The following SPI1 variants were observed in gnomAD, a reference collection of about 807,000 sequenced individuals.
SPI1 encodes transcription factor PU.1.
Under a neutral mutation model 30.7 loss-of-function variants are expected in SPI1, and 3 were observed. That is an observed-to-expected ratio of 0.10 (90% confidence interval 0.04 to 0.25). SPI1 has a LOEUF of 0.25. Ranked by LOEUF, SPI1 falls within the 10% of genes least tolerant of loss-of-function variation. The probability of loss-of-function intolerance (pLI) is 1.00; values close to 1 mark genes in which losing one functional copy is unlikely to be tolerated. For missense variants in SPI1, 261 were observed against 371.5 expected (o/e 0.70, Z 2.45); for synonymous variants, 169 against 157.1 (o/e 1.08, Z -0.56).
chr11:47,373,645 TAAAA>T (rs543466708), intron 2 of SPI1, among the ~76,000 whole-genome samples: 2 of 121,578 alleles, frequency 1.6e-5, no homozygotes, highest in Non-Finnish European at 1.8e-5. Flanking sequence ...AAGACTGTCC[TAAAA>T]AAAAAAAAAA....
chr11:47,358,981 A>C lies in SPI1; in HGVS notation c.356T>G (p.Leu119Arg). The change falls in exon 4 of 5, where the codon CTC becomes CGC. Residue 119 changes from leucine to arginine, a missense_variant. Around this residue, in one of 5 missense-constraint regions of SPI1, gnomAD observed 106 missense variants for 102.0 expected, o/e 1.04. Coordinates refer to ENST00000378538, the MANE Select transcript of SPI1 (RefSeq NM_003120.3). ...GGCTGGGGACAGGGATGGGTACTGG[A>C]GGCACATCCGGGGCAGGTAGGAGAC... ...HQVSYLPRMC[L>R]QYPSLSPAQP... 1 of 1,536,602 alleles carries C rather than the reference A, an allele frequency of 6.5e-7. No individual in the cohort carries two copies. Among genetic ancestry groups the C allele is most frequent in the African/African-American group, 1.4e-5 (1 of 72,738 alleles).
intron 2 of SPI1, among the ~76,000 whole-genome samples, chr11:47,366,204 C>T (rs980103323): frequency 2.6e-5 from 4 of 152,182 alleles, no homozygotes; most frequent in Non-Finnish European, 5.9e-5. Flanking sequence ...CTCTCATTTC[C>T]TCTCTCTAAA....
intron 1 of SPI1, among the ~76,000 whole-genome samples, chr11:47,376,930 C>T (rs1470605014): frequency 1.3e-5 from 2 of 152,202 alleles, no homozygotes; most frequent in African/African-American, 2.4e-5. Context: ...ACCCATCTAG[C>T]TCCACCTGGA....
intron 1 of SPI1, 117 bp downstream of exon 1, chr11:47,378,192 C>G: frequency 2.6e-6 from 3 of 1,140,322 alleles, no homozygotes; most frequent in Non-Finnish European, 3.9e-6. Flanking sequence ...GGAGGAAACC[C>G]TGACTTCCCA....
At chr11:47,361,070 G>A (rs1263244603) in intron 2 of SPI1, among the ~76,000 whole-genome samples, 4 of 151,984 alleles carry the variant, frequency 2.6e-5, no homozygotes, top group Non-Finnish European at 2.9e-5. Context: ...GCAGTGAGCC[G>A]AGATTGCGCC....
chr11:47,363,687 G>C (rs2095924140), intron 2 of SPI1, among the ~76,000 whole-genome samples: 1 of 151,998 alleles, frequency 6.6e-6, no homozygotes, highest in South Asian at 2.1e-4. Flanking sequence ...CTCAGGCCGG[G>C]CATGGTGGCT....
At chr11:47,372,420 G>A (rs140153904) in intron 2 of SPI1, among the ~76,000 whole-genome samples, 6 of 152,210 alleles carry the variant, frequency 3.9e-5, no homozygotes, top group African/African-American at 7.2e-5. Context: ...CCATCCCCTC[G>A]CTGGAGAGTG....
chr11:47,356,173 TTC>T (rs2095908720), intron 4 of SPI1, among the ~76,000 whole-genome samples: 1 of 146,150 alleles, frequency 6.8e-6, no homozygotes, highest in South Asian at 2.2e-4. Context: ...CACTGTCACT[TTC>T]TCACACACCC....
At chr11:47,371,131 C>T (rs1055751861) in intron 2 of SPI1, among the ~76,000 whole-genome samples, 7 of 151,750 alleles carry the variant, frequency 4.6e-5, no homozygotes, top group South Asian at 2.1e-4. Flanking sequence ...GAGGCCAAGG[C>T]GGGTGGATCA....
rs2095917358 is a variant in SPI1 at position 47,359,458 on chromosome 11, C to A, written c.330+395G>T. On this transcript the variant is annotated intron_variant, in intron 3 of 4. Transcript: ENST00000378538. This position sits in a 1 kb window ranked among gnomAD's most constrained non-coding sequence, Gnocchi z 5.1. Reference sequence around the variant, plus strand: ...GTAGAGGTCAGCAGAGGTCACTGATCCGGGTTAGGGTCAGTAGGGAGGGTC... The same window carrying A: ...GTAGAGGTCAGCAGAGGTCACTGATACGGGTTAGGGTCAGTAGGGAGGGTC... Among the ~76,000 whole-genome samples the A allele has an allele frequency of 1.3e-5, 2 of 151,834 alleles. No homozygotes were observed. Among genetic ancestry groups the A allele is most frequent in the Admixed American group, 1.3e-4 (2 of 15,266 alleles).
At chr11:47,371,479 C>A (rs547237516) in intron 2 of SPI1, among the ~76,000 whole-genome samples, 1 of 75,202 alleles carries the variant, frequency 1.3e-5, no homozygotes. Flanking sequence ...CCAGCCTGGC[C>A]AACATGGTGA....
intron 4 of SPI1, among the ~76,000 whole-genome samples, chr11:47,356,963 C>A (rs1595854972): frequency 7.3e-6 from 1 of 136,432 alleles, no homozygotes; most frequent in East Asian, 2.2e-4. Flanking sequence ...CTCACACATG[C>A]TCACGTCTGC....
At chr11:47,360,091 A>G (rs61897390) in intron 2 of SPI1, 51 bp from the exon 3 acceptor site, 117,564 of 1,343,868 alleles carry the variant, frequency 0.087, 6,375 homozygotes, top group Non-Finnish European at 0.095. Flanking sequence ...TGGGCAGGGC[A>G]GGAAAAGGTT....
intron 2 of SPI1, among the ~76,000 whole-genome samples, chr11:47,368,319 C>T (rs1417212365): frequency 6.6e-6 from 1 of 152,112 alleles, no homozygotes; most frequent in Non-Finnish European, 1.5e-5. Context: ...CAGCTGAGAT[C>T]GTACCACTCC....
chr11:47,358,659 A>C (rs1265483038), intron 4 of SPI1, 185 bp downstream of exon 4: 2 of 720,034 alleles, frequency 2.8e-6, no homozygotes, highest in Admixed American at 2.0e-5. Context: ...TATGCACTAC[A>C]CAGCAGATAC....
In SPI1 at chr11:47,355,362, C is replaced by T. The variant is rs368088159; in HGVS notation, c.678G>A (p.Gln226=). The T allele has an allele frequency of 2.5e-6, 4 of 1,613,698 alleles. No homozygotes were observed. Among genetic ancestry groups the T allele is most frequent in the Non-Finnish European group, 3.4e-6 (4 of 1,179,792 alleles). ...QKGNRKKMTY[Q]KMARALRNYG... is the part of the protein sequence containing the mutation. The stretch of plus-strand genomic sequence containing the variant: ...AGTTGCGCAGCGCGCGCGCCATCTT[C>T]TGGTAGGTCATCTTCTTGCGGTTGC... Residue 226 remains glutamine (Q), a synonymous_variant, in exon 5 of 5, where the codon CAG becomes CAA. Transcript: ENST00000378538.
chr11:47,357,407 A>T (rs1432312912), intron 4 of SPI1, among the ~76,000 whole-genome samples: 5 of 152,014 alleles, frequency 3.3e-5, no homozygotes, highest in Non-Finnish European at 5.9e-5. Flanking sequence ...CATTCTGCTC[A>T]TGCATATCCA....
rs535057904 is a variant in SPI1, at chr11:47,374,690, C to A, written c.142+943G>T. 6.6e-6 allele frequency among the ~76,000 whole-genome samples: 1 copy of A among 152,326 alleles called. No homozygotes were observed. Among genetic ancestry groups the A allele is most frequent in the South Asian group, 2.1e-4 (1 of 4,832 alleles). Reference sequence around the variant, plus strand: ...GACTCACCCACTGACTAGGCCACCTCGCTTTGGGTCAGGGATGTCTACATC... The same window carrying A: ...GACTCACCCACTGACTAGGCCACCTAGCTTTGGGTCAGGGATGTCTACATC... On this transcript the variant is annotated intron_variant, in intron 2 of 4. Transcript: ENST00000378538. The surrounding 1 kb of genome is among the most constrained non-coding windows in gnomAD (Gnocchi z 4.5).
At chr11:47,358,647 C>T (rs775922900) in intron 4 of SPI1, 197 bp downstream of exon 4, 18 of 711,518 alleles carry the variant, frequency 2.5e-5, no homozygotes, top group Admixed American at 6.0e-5. Flanking sequence ...TGGAGATGCC[C>T]GTATGCACTA....
Sources: gnomAD v4.1 joint callset for allele counts (sites outside exome capture counted in the v4.1 genomes callset) on GRCh38, gnomAD v4.1.1 for gene constraint, gnomAD v4.1.1 regional missense constraint, Gnocchi (gnomAD v3.1) non-coding constraint, MANE v1.5 for transcripts, NCBI Gene and HGNC (gene_info 2026-07-23, HGNC 2026-07-21) for gene names.